Variants in PCDH9 observed in about 807,000 individuals in gnomAD.
PCDH9 encodes protocadherin 9.
PCDH9 carries 24 observed loss-of-function variants against 70.6 expected under a neutral mutation model. The observed-to-expected ratio is 0.34, with a 90% confidence interval of 0.25 to 0.48. The LOEUF (loss-of-function observed/expected upper bound fraction) is 0.48, where lower values mean the gene tolerates loss of function less well. PCDH9 is among the 20% of genes least tolerant of loss of function. PCDH9 has a pLI of 0.99. For missense variants in PCDH9, 1,281 were observed against 1,503.6 expected (o/e 0.85, Z 2.45); for synonymous variants, 562 against 558.5 (o/e 1.01, Z -0.09).
intron 2 of PCDH9, among the ~76,000 whole-genome samples, chr13:67,063,599 C>A (rs1047595279): frequency 6.6e-6 from 1 of 151,558 alleles, no homozygotes; most frequent in Admixed American, 6.6e-5. Context: ...TACTATACTG[C>A]CGATTTGCCA....
intron 4 of PCDH9, among the ~76,000 whole-genome samples, chr13:66,417,627 A>T (rs905130726): frequency 4.6e-5 from 7 of 152,200 alleles, no homozygotes; most frequent in African/African-American, 1.7e-4. Flanking sequence ...TCCCCCCAAC[A>T]GTGTAAAGTA....
intron 4 of PCDH9, among the ~76,000 whole-genome samples, chr13:66,342,627 T>C (rs1261252365): frequency 6.6e-6 from 1 of 151,972 alleles, no homozygotes; most frequent in Non-Finnish European, 1.5e-5. Flanking sequence ...CTTTCTCTTA[T>C]GGTTTTTCTT....
chr13:66,427,175 G>C (rs575657586), intron 4 of PCDH9, among the ~76,000 whole-genome samples: 2 of 151,550 alleles, frequency 1.3e-5, no homozygotes, highest in Admixed American at 1.3e-4. Context: ...TCATATTAAT[G>C]TAGATCATGA....
chr13:67,068,187 A>C (rs2085688785), intron 2 of PCDH9, among the ~76,000 whole-genome samples: 1 of 152,026 alleles, frequency 6.6e-6, no homozygotes, highest in African/African-American at 2.4e-5. Context: ...ATGTTCTTTT[A>C]AAATATCTCA....
intron 2 of PCDH9, chr13:67,224,232 C>T (rs1358172962): frequency 2.6e-5 from 4 of 152,182 alleles, no homozygotes; most frequent in South Asian, 2.1e-4. Context: ...ACTAGCATTA[C>T]GAAATCCTAG....
intron 4 of PCDH9, among the ~76,000 whole-genome samples, chr13:66,382,094 G>T (rs934155565): frequency 3.4e-4 from 52 of 152,222 alleles, no homozygotes; most frequent in African/African-American, 1.2e-3. Flanking sequence ...AGATGAAAAA[G>T]GGTAGATGAA....
chr13:66,641,662 C>G (rs1175343549), intron 3 of PCDH9, among the ~76,000 whole-genome samples: 1 of 152,080 alleles, frequency 6.6e-6, no homozygotes, highest in African/African-American at 2.4e-5. Flanking sequence ...AAAAAGCATC[C>G]TTTGAATTTC....
At chr13:66,990,900 A>G (rs961550835) in intron 2 of PCDH9, 13 of 151,942 alleles carry the variant, frequency 8.6e-5, no homozygotes, top group African/African-American at 3.1e-4. Flanking sequence ...CTAGTCAACA[A>G]TACGCTTATT....
chr13:66,570,410 G>GAC (rs879408763), intron 4 of PCDH9, among the ~76,000 whole-genome samples: 2 of 152,030 alleles, frequency 1.3e-5, no homozygotes, highest in Non-Finnish European at 2.9e-5. Flanking sequence ...ATATAACACA[G>GAC]ACACACACAC....
At chr13:66,449,916 CA>C (rs1958171887) in intron 4 of PCDH9, among the ~76,000 whole-genome samples, 1 of 152,104 alleles carries the variant, frequency 6.6e-6, no homozygotes, top group South Asian at 2.1e-4. Flanking sequence ...ATGCCTAGAT[CA>C]AAAAACATAT....
Position 66,736,939 on chromosome 13 carries a change from G to A in PCDH9, c.3139-105528C>T, listed in dbSNP as rs561375206. Among the ~76,000 whole-genome samples, 9 of 152,144 alleles carry A rather than the reference G, an allele frequency of 5.9e-5. No individual in the cohort carries two copies. In the South Asian group the frequency reaches 1.5e-3, roughly 25 times the overall value. ...GCCACCTTCTTTATCAGGCAACTTC[G>A]CAGGATCATTTGTCTTACTTATAAA... On this transcript the variant is annotated intron_variant, in intron 3 of 4. Coordinates refer to ENST00000377865, the MANE Select transcript of PCDH9 (RefSeq NM_203487.3).
chr13:66,955,975 G>A (rs1033322302), intron 2 of PCDH9, among the ~76,000 whole-genome samples: 1 of 152,142 alleles, frequency 6.6e-6, no homozygotes, highest in Non-Finnish European at 1.5e-5. Context: ...GGTGGCCAGT[G>A]CCTGTAATCC....
At position 67,226,639 on chromosome 13, in the gene PCDH9, G is replaced by T; in HGVS notation, c.1802C>A (p.Ala601Asp). ...VGVITVTDADAGENKAVTLSI... is the reference protein window; with the variant it reads ...VGVITVTDADDGENKAVTLSI... Reference sequence around the variant, plus strand: ...AAGAGTCACAGCTTTATTCTCTCCAGCATCTGCATCTGTCACTGTGATTAC... The same window carrying T: ...AAGAGTCACAGCTTTATTCTCTCCATCATCTGCATCTGTCACTGTGATTAC... Residue 601 changes from alanine (A) to aspartate (D), a missense_variant, in exon 2 of 5, where the codon GCT (alanine) becomes GAT (aspartate). This residue lies in a region of PCDH9 where 798 missense variants were observed against 1,003.1 expected (regional missense o/e 0.80). Transcript: ENST00000377865. This position sits in a 1 kb window ranked among gnomAD's most constrained non-coding sequence, Gnocchi z 5.0. 1 of 1,613,884 alleles carries T rather than the reference G, an allele frequency of 6.2e-7. No individual in the cohort carries two copies. Among genetic ancestry groups the T allele is most frequent in the East Asian group, 2.2e-5 (1 of 44,860 alleles).
At chr13:66,827,083 C>T (rs1049843864) in intron 3 of PCDH9, among the ~76,000 whole-genome samples, 1 of 152,048 alleles carries the variant, frequency 6.6e-6, no homozygotes, top group Non-Finnish European at 1.5e-5. Flanking sequence ...GAAGATTTGA[C>T]TATAGAAGAG....
At chr13:66,427,076 T>C (rs1168920196) in intron 4 of PCDH9, among the ~76,000 whole-genome samples, 2 of 151,578 alleles carry the variant, frequency 1.3e-5, no homozygotes, top group South Asian at 4.1e-4. Flanking sequence ...TTATAGTTGT[T>C]TTGAAAAGAC....
intron 3 of PCDH9, among the ~76,000 whole-genome samples, chr13:66,878,854 C>G (rs2081870067): frequency 6.6e-6 from 1 of 152,106 alleles, no homozygotes; most frequent in Non-Finnish European, 1.5e-5. Context: ...ATAGAACAAG[C>G]AAGAACACTG....
At chr13:67,029,122 C>T (rs2084853742) in intron 2 of PCDH9, among the ~76,000 whole-genome samples, 1 of 151,878 alleles carries the variant, frequency 6.6e-6, no homozygotes, top group Admixed American at 6.6e-5. Flanking sequence ...CATAAGCAGG[C>T]CAAGAAAGAC....
chr13:66,778,423 A>G (rs2079936294), intron 3 of PCDH9, among the ~76,000 whole-genome samples: 1 of 152,122 alleles, frequency 6.6e-6, no homozygotes, highest in Non-Finnish European at 1.5e-5. Context: ...TAGCTCATGA[A>G]TATTTCTTCA....
Position 66,599,628 on chromosome 13 carries a change from C to G in PCDH9, c.3340+31582G>C, listed in dbSNP as rs539488983. Among the ~76,000 whole-genome samples, 11 of 151,600 alleles carry G rather than the reference C, an allele frequency of 7.3e-5. No homozygotes were observed. In the East Asian group the frequency reaches 2.1e-3, roughly 30 times the overall value. ...GTGGCACAATCACAACTCACTGCAG[C>G]CTTGACCTCCCAGGCTCAGGTTAAA... is the stretch of plus-strand genomic sequence containing the variant. On this transcript the variant is annotated intron_variant, in intron 4 of 4. Coordinates refer to ENST00000377865, the MANE Select transcript of PCDH9 (RefSeq NM_203487.3).
Sources: allele counts gnomAD v4.1 joint callset (sites outside exome capture counted in the v4.1 genomes callset), GRCh38; gene constraint gnomAD v4.1.1; regional missense constraint gnomAD v4.1.1; non-coding constraint Gnocchi (gnomAD v3.1); transcripts MANE v1.5; gene names NCBI Gene and HGNC (gene_info 2026-07-23, HGNC 2026-07-21).